The following UGT1A9 variants were observed in gnomAD, a reference collection of about 807,000 sequenced individuals.
UGT1A9 encodes UDP glucuronosyltransferase family 1 member A9.
A neutral mutation model predicts 45.0 loss-of-function variants in UGT1A9; 35 were observed. That is an observed-to-expected ratio of 0.78 (90% CI 0.59 to 1.03). The LOEUF is 1.03. UGT1A9 is among the 50% of genes least tolerant of loss of function. The pLI is 0.00. For synonymous variants in UGT1A9, 278 were observed against 250.6 expected, an observed-to-expected ratio of 1.11 and a Z score of -1.03; for missense variants, 687 against 666.6, an observed-to-expected ratio of 1.03 and a Z score of -0.34.
intron 4 of UGT1A9, chr2:233,771,305 T>TC (rs1482676837): frequency 1.3e-5 from 2 of 152,218 alleles, no homozygotes. Context: ...TTCCTCCTCC[T>TC]TTTCCCTCTC....
chr2:233,747,514 T>C, intron 1 of UGT1A9: 2 of 1,607,704 alleles, frequency 1.2e-6, no homozygotes, highest in Non-Finnish European at 1.7e-6. Context: ...CAACTGTACT[T>C]TGAAACAGAA....
At position 233,672,354 on chromosome 2, in the gene UGT1A9, T is replaced by C; in HGVS notation, c.420T>C (p.Ser140=). The C allele has an allele frequency of 6.2e-7, 1 of 1,614,022 alleles. No homozygotes were observed. Among genetic ancestry groups the C allele is most frequent in the Non-Finnish European group, 8.5e-7 (1 of 1,179,986 alleles). Residue 140 remains serine, a synonymous_variant, in exon 1 of 5, where the codon AGT becomes AGC. Coordinates refer to ENST00000354728, the MANE Select transcript of UGT1A9 (RefSeq NM_021027.3). Reference sequence around the variant, plus strand: ...AATTAGTAGAATACTTAAAGGAGAGTTCTTTTGATGCAGTGTTTCTCGATC... The same window carrying C: ...AATTAGTAGAATACTTAAAGGAGAGCTCTTTTGATGCAGTGTTTCTCGATC... The part of the protein sequence containing the change: ...DKKLVEYLKE[S]SFDAVFLDPF...
chr2:233,769,811 T>C lies in UGT1A9; in HGVS notation c.1295+1372T>C. 9.8e-7 allele frequency: 1 copy of C among 1,015,422 alleles called. No individual in the cohort carries two copies. The highest frequency in any genetic ancestry group is 2.2e-5 in the South Asian group (1 of 46,182). The allele number at this position is 1,015,422 out of a possible 1,614,324, so 62.9% of individuals were successfully genotyped here. A position where few individuals can be genotyped will look rare whatever the true frequency, so the allele number is the denominator to read the frequency against. On this transcript the variant is annotated intron_variant, in intron 4 of 4. Transcript: ENST00000354728. This position sits in a 1 kb window ranked among gnomAD's most constrained non-coding sequence, Gnocchi z 4.4. ...TGGAGGCTGCTATGAGCCGTGATCA[T>C]GCCACTGCACTCCAGCAACCTGGGC...
intron 1 of UGT1A9, chr2:233,719,588 G>C (rs771890679): frequency 1.9e-6 from 3 of 1,614,000 alleles, no homozygotes; most frequent in Non-Finnish European, 2.5e-6. Flanking sequence ...CCGTGTGGCT[G>C]TTCCGAGGGG....
intron 1 of UGT1A9, among the ~76,000 whole-genome samples, chr2:233,725,106 A>C (rs2077366331): frequency 7.0e-6 from 1 of 142,226 alleles, no homozygotes; most frequent in African/African-American, 2.7e-5. Flanking sequence ...AGAATCAGGC[A>C]GGGAGGTTGC....
chr2:233,749,622 C>A (rs1694233341), intron 1 of UGT1A9, among the ~76,000 whole-genome samples: 1 of 151,854 alleles, frequency 6.6e-6, no homozygotes, highest in Admixed American at 6.5e-5. Context: ...TGATTTGGCT[C>A]TGTATCCCCC....
chr2:233,712,255 A>C (rs549632113), intron 1 of UGT1A9, among the ~76,000 whole-genome samples: 13 of 152,356 alleles, frequency 8.5e-5, no homozygotes, highest in South Asian at 2.1e-4. Flanking sequence ...GTTGTCTTGC[A>C]CATGTGTGCT....
chr2:233,761,493 C>T (rs34652311), intron 1 of UGT1A9, among the ~76,000 whole-genome samples: 4,469 of 152,304 alleles, frequency 0.029, 206 homozygotes, highest in African/African-American at 0.1. Flanking sequence ...TGCACCTTGC[C>T]CTGGATTCAG....
In UGT1A9 at chr2:233,767,949, G is replaced by A. The variant is rs569380768; in HGVS notation, c.1075+13G>A. 2 of 1,614,196 alleles carry A rather than the reference G, an allele frequency of 1.2e-6. No homozygotes were observed. Among genetic ancestry groups the A allele is most frequent in the East Asian group, 2.2e-5 (1 of 44,890 alleles). On this transcript the variant is annotated intron_variant, in intron 3 of 4. Coordinates refer to ENST00000354728, the MANE Select transcript of UGT1A9 (RefSeq NM_021027.3). ...AACGATCTGCTTGGTATGTTGGGCG[G>A]ATTGGATGTATAGGTCAAACCAGGG...
At chr2:233,744,570 G>A (rs1351867033) in intron 1 of UGT1A9, among the ~76,000 whole-genome samples, 1 of 151,848 alleles carries the variant, frequency 6.6e-6, no homozygotes, top group Non-Finnish European at 1.5e-5. Flanking sequence ...TGAGAAGAGT[G>A]GCATCGTTTT....
At chr2:233,675,339 G>A (rs1367325493) in intron 1 of UGT1A9, among the ~76,000 whole-genome samples, 2 of 152,134 alleles carry the variant, frequency 1.3e-5, no homozygotes, top group East Asian at 3.9e-4. Flanking sequence ...AAATAATTCA[G>A]CAGAACATTG....
At chr2:233,760,948 T>G (rs746225571) in intron 1 of UGT1A9, 7 of 1,614,204 alleles carry the variant, frequency 4.3e-6, no homozygotes, top group Non-Finnish European at 5.9e-6. Flanking sequence ...TTCACAGAAC[T>G]TTCTGTGCGA....
chr2:233,722,936 C>A (rs1348734383), intron 1 of UGT1A9, among the ~76,000 whole-genome samples: 1 of 147,750 alleles, frequency 6.8e-6, no homozygotes, highest in Non-Finnish European at 1.5e-5. Flanking sequence ...TGTCTCCATG[C>A]TGAGTGGGCT....
At chr2:233,708,509 T>A (rs2076021555) in intron 1 of UGT1A9, 1 of 152,230 alleles carries the variant, frequency 6.6e-6, no homozygotes, top group South Asian at 2.1e-4. Context: ...CCCAGCACTT[T>A]GCGGGGCCGA....
At chr2:233,754,489 A>G (rs1289708374) in intron 1 of UGT1A9, 4 of 357,158 alleles carry the variant, frequency 1.1e-5, no homozygotes, top group Non-Finnish European at 1.1e-5. Flanking sequence ...TTTCAATCCT[A>G]AAAAAAGTCC....
intron 1 of UGT1A9, among the ~76,000 whole-genome samples, chr2:233,734,364 G>A (rs1194313083): frequency 6.6e-6 from 1 of 152,040 alleles, no homozygotes; most frequent in East Asian, 1.9e-4. Context: ...TGGGATCGGT[G>A]GTGATATTGC....
rs1399305779 is a variant in UGT1A9, at chr2:233,769,284, T to C, written c.1295+845T>C. 6.6e-6 allele frequency among the ~76,000 whole-genome samples: 1 copy of C among 152,226 alleles called. No individual in the cohort carries two copies. The highest frequency in any genetic ancestry group is 1.5e-5 in the Non-Finnish European group (1 of 68,038). ...AACGATTCAAAGGGCAAATGATTTC[T>C]GGATTAAAGTTAGTATATTACTGTC... On this transcript the variant is annotated intron_variant, in intron 4 of 4. Coordinates refer to ENST00000354728, the MANE Select transcript of UGT1A9 (RefSeq NM_021027.3). The surrounding 1 kb of genome is among the most constrained non-coding windows in gnomAD (Gnocchi z 4.4).
chr2:233,734,671 A>T (rs1355511130), intron 1 of UGT1A9, among the ~76,000 whole-genome samples: 2 of 152,154 alleles, frequency 1.3e-5, no homozygotes, highest in African/African-American at 4.8e-5. Context: ...ATTTCCCTCT[A>T]CACACTGATT....
intron 1 of UGT1A9, among the ~76,000 whole-genome samples, chr2:233,678,025 G>A (rs4663877): frequency 0.18 from 27,600 of 152,072 alleles, 2,728 homozygotes; most frequent in Non-Finnish European, 0.23. Context: ...TAACAACATG[G>A]ATGCAGCTGG....
Sources: allele counts gnomAD v4.1 joint callset (sites outside exome capture counted in the v4.1 genomes callset), GRCh38; gene constraint gnomAD v4.1.1; non-coding constraint Gnocchi (gnomAD v3.1); transcripts MANE v1.5; gene names NCBI Gene and HGNC (gene_info 2026-07-23, HGNC 2026-07-21).